LRRC37A2: variants seen among roughly 807,000 people sequenced by gnomAD.
LRRC37A2 encodes leucine-rich repeat-containing protein 37A2.
Under a neutral mutation model 68.8 loss-of-function variants are expected in LRRC37A2, and 9 were observed. The ratio of observed to expected loss-of-function variants is 0.13; its 90% confidence interval spans 0.08 to 0.23. The LOEUF (loss-of-function observed/expected upper bound fraction) is 0.23. LRRC37A2 is among the 10% of genes least tolerant of loss of function. The pLI is 1.00. For synonymous variants in LRRC37A2, 63 were observed against 367.6 expected, an observed-to-expected ratio of 0.17 and a Z score of 9.48; for missense variants, 168 against 950.4, an observed-to-expected ratio of 0.18 and a Z score of 10.82.
chr17:46,381,044 C>T, the LRRC37A2 span, among the ~76,000 whole-genome samples: 3 of 5,756 alleles, frequency 5.2e-4, 1 homozygote, highest in African/African-American at 5.8e-4. Context: ...GAGCCGAGAT[C>T]CCGCCACTGC....
At chr17:46,871,775 T>C in the LRRC37A2 span, among the ~76,000 whole-genome samples, 3 of 152,214 alleles carry the variant, frequency 2.0e-5, no homozygotes, top group African/African-American at 7.2e-5. Flanking sequence ...CTGGGATTGA[T>C]GGCCTGATGG....
At chr17:46,749,740 G>A in the LRRC37A2 span, 2 of 1,593,238 alleles carry the variant, frequency 1.3e-6, no homozygotes, top group African/African-American at 2.7e-5. Context: ...GTCTTATTAT[G>A]TACATTTTAA....
chr17:46,767,943 A>G, the LRRC37A2 span, among the ~76,000 whole-genome samples: 1 of 151,988 alleles, frequency 6.6e-6, no homozygotes, highest in Non-Finnish European at 1.5e-5. Flanking sequence ...CACCTGCCAC[A>G]ACGCCCGGCT....
chr17:46,846,364 G>A, the LRRC37A2 span, among the ~76,000 whole-genome samples: 4 of 152,356 alleles, frequency 2.6e-5, no homozygotes, highest in East Asian at 7.7e-4. Context: ...CTGAAACTCA[G>A]TACCACTATG....
chr17:46,900,162 C>CATATAT, the LRRC37A2 span, among the ~76,000 whole-genome samples: 9 of 101,146 alleles, frequency 8.9e-5, no homozygotes, highest in African/African-American at 3.4e-4. Flanking sequence ...TATATATATA[C>CATATAT]ATATACATAT....
At chr17:46,849,933 C>T in the LRRC37A2 span, among the ~76,000 whole-genome samples, 1 of 151,986 alleles carries the variant, frequency 6.6e-6, no homozygotes, top group African/African-American at 2.4e-5. Flanking sequence ...CTGCAACCTC[C>T]ACCTCCCAGG....
At chr17:46,942,465 T>G in the LRRC37A2 span, among the ~76,000 whole-genome samples, 4 of 152,196 alleles carry the variant, frequency 2.6e-5, no homozygotes, top group Admixed American at 1.3e-4. Context: ...CTCATCCAGC[T>G]TGGAACCATG....
chr17:46,608,872 G>A, the LRRC37A2 span, among the ~76,000 whole-genome samples: 2 of 152,004 alleles, frequency 1.3e-5, no homozygotes, highest in African/African-American at 4.9e-5. Flanking sequence ...GGGATTACAG[G>A]CATGAGCCCG....
the LRRC37A2 span, among the ~76,000 whole-genome samples, chr17:46,389,225 GCAAA>G: frequency 6.6e-6 from 1 of 151,676 alleles, no homozygotes; most frequent in African/African-American, 2.4e-5. Context: ...ATAAAAGCAA[GCAAA>G]CAAACTTACT....
At chr17:46,392,425 CTTTCTCTCTT>C in the LRRC37A2 span, among the ~76,000 whole-genome samples, 2 of 51,434 alleles carry the variant, frequency 3.9e-5, 1 homozygote, top group Non-Finnish European at 8.6e-5. Context: ...CTCTCTCTTT[CTTTCTCTCTT>C]TCTTTCTTTC....
chr17:46,989,687 C>G, the LRRC37A2 span, among the ~76,000 whole-genome samples: 5 of 123,502 alleles, frequency 4.0e-5, no homozygotes, highest in Non-Finnish European at 5.5e-5. Context: ...AGTGGGACAA[C>G]TGAAAGCGTA....
At chr17:46,896,032 A>G in the LRRC37A2 span, among the ~76,000 whole-genome samples, 1 of 152,124 alleles carries the variant, frequency 6.6e-6, no homozygotes, top group Non-Finnish European at 1.5e-5. Context: ...TAATCCCAGC[A>G]CTTTGGGAGG....
At chr17:47,008,539 G>A in the LRRC37A2 span, among the ~76,000 whole-genome samples, 126,973 of 151,356 alleles carry the variant, frequency 0.84, 53,560 homozygotes, top group East Asian at 0.98. Flanking sequence ...GCTCACTACA[G>A]CCTCCACCTC....
chr17:46,711,134 G>A, the LRRC37A2 span: 3 of 1,484,760 alleles, frequency 2.0e-6, no homozygotes, highest in Admixed American at 2.8e-5. Flanking sequence ...GAATGAATGA[G>A]GAGATGGCAT....
intron 11 of LRRC37A2, among the ~76,000 whole-genome samples, chr17:46,552,974 G>C (rs2056938551): frequency 7.0e-6 from 1 of 142,430 alleles, no homozygotes; most frequent in African/African-American, 2.8e-5. Flanking sequence ...CGGATCACTG[G>C]AGCCCAGGAG....
the LRRC37A2 span, chr17:46,966,405 C>G: frequency 1.8e-6 from 1 of 565,876 alleles, no homozygotes; most frequent in Non-Finnish European, 3.2e-6. Flanking sequence ...ATACCTGGTC[C>G]TTGTGACTTA....
the LRRC37A2 span, among the ~76,000 whole-genome samples, chr17:46,767,773 GTTTT>G: frequency 1.3e-5 from 2 of 150,518 alleles, no homozygotes; most frequent in East Asian, 1.9e-4. Context: ...ACTGAATTTT[GTTTT>G]TTTTTGTTTG....
the LRRC37A2 span, chr17:46,851,690 CCCGCCG>C: frequency 7.6e-7 from 1 of 1,308,706 alleles, no homozygotes; most frequent in South Asian, 2.3e-5. This position sits in a 1 kb window ranked among gnomAD's most constrained non-coding sequence, Gnocchi z 4.3. Flanking sequence ...GCTGGCGCTG[CCCGCCG>C]CCGCCGCCTC....
At chr17:46,896,397 A>G in the LRRC37A2 span, among the ~76,000 whole-genome samples, 9 of 50,428 alleles carry the variant, frequency 1.8e-4, no homozygotes, top group East Asian at 6.0e-4. Context: ...AGAAAGAGAA[A>G]GAAAGAAAGA....
Sources: gnomAD v4.1 joint callset for allele counts (sites outside exome capture counted in the v4.1 genomes callset) on GRCh38, gnomAD v4.1.1 for gene constraint, Gnocchi (gnomAD v3.1) non-coding constraint, MANE v1.5 for transcripts, NCBI Gene and HGNC (gene_info 2026-07-23, HGNC 2026-07-21) for gene names.